UTRN: variants seen among roughly 807,000 people sequenced by gnomAD.
UTRN encodes the protein dystrophin-related protein 1.
Under a neutral mutation model 463.9 loss-of-function variants are expected in UTRN, and 283 were observed. The observed-to-expected ratio is 0.61, with a 90% CI of 0.55 to 0.67. UTRN has a LOEUF of 0.67. Ranked by LOEUF, UTRN falls within the 30% of genes least tolerant of loss-of-function variation. The pLI, the probability that UTRN is intolerant of heterozygous loss-of-function variation, is 0.00. For synonymous variants in UTRN, 1,442 were observed against 1,431.5 expected, an observed-to-expected ratio of 1.01 and a Z score of -0.17; for missense variants, 3,922 against 4,084.3, an observed-to-expected ratio of 0.96 and a Z score of 1.08.
intron 54 of UTRN, among the ~76,000 whole-genome samples, chr6:144,736,281 T>C (rs1789385905): frequency 6.6e-6 from 1 of 152,222 alleles, no homozygotes; most frequent in African/African-American, 2.4e-5. Context: ...TTGGAGAGGT[T>C]AGATCAGGAA....
At chr6:144,340,150 T>C (rs1170723665) in intron 2 of UTRN, among the ~76,000 whole-genome samples, 2 of 152,010 alleles carry the variant, frequency 1.3e-5, no homozygotes, top group Admixed American at 6.6e-5. Flanking sequence ...CTGGGCGACA[T>C]AACAAGACTG....
chr6:144,672,226 G>A (rs1374069173), intron 51 of UTRN, among the ~76,000 whole-genome samples: 1 of 151,878 alleles, frequency 6.6e-6, no homozygotes, highest in Non-Finnish European at 1.5e-5. Context: ...AGTGTCAATA[G>A]GATTGGTACC....
At chr6:144,306,285 G>A (rs1805729860) in intron 2 of UTRN, among the ~76,000 whole-genome samples, 1 of 152,164 alleles carries the variant, frequency 6.6e-6, no homozygotes, top group Admixed American at 6.5e-5. Flanking sequence ...AGCATGGATG[G>A]TGTGGGGTGT....
intron 53 of UTRN, among the ~76,000 whole-genome samples, chr6:144,725,502 C>T (rs1388307093): frequency 6.6e-6 from 1 of 152,156 alleles, no homozygotes; most frequent in Non-Finnish European, 1.5e-5. Flanking sequence ...AATATAAACT[C>T]ATTAAAACAG....
chr6:144,597,892 C>G lies in UTRN; in HGVS notation c.7479+20604C>G, dbSNP rs1803822837. Among the ~76,000 whole-genome samples the G allele has an allele frequency of 2.0e-5, 3 of 152,144 alleles. No homozygotes were observed. In the South Asian group the frequency reaches 6.2e-4, roughly 32 times the overall value. On this transcript the variant is annotated intron_variant, in intron 51 of 74. Transcript: ENST00000367545. ...AGCACACATACTGTTGTTTTTAAATCATTACATTTTAAACTTCTTTATATC... is the reference window on the plus strand; with the variant it reads ...AGCACACATACTGTTGTTTTTAAATGATTACATTTTAAACTTCTTTATATC...
At chr6:144,674,876 A>G (rs1171909339) in intron 51 of UTRN, among the ~76,000 whole-genome samples, 1 of 152,176 alleles carries the variant, frequency 6.6e-6, no homozygotes, top group Non-Finnish European at 1.5e-5. Context: ...AAATTTCTTT[A>G]AGGTAGTTTT....
chr6:144,472,581 T>G (rs994791804), intron 23 of UTRN, among the ~76,000 whole-genome samples: 8 of 152,178 alleles, frequency 5.3e-5, no homozygotes, highest in African/African-American at 1.7e-4. Context: ...TGATGTAGTT[T>G]CCAGAGCGTG....
intron 58 of UTRN, among the ~76,000 whole-genome samples, chr6:144,770,776 TATAGAAAATAATA>T: frequency 6.6e-6 from 1 of 152,114 alleles, no homozygotes; most frequent in Middle Eastern, 3.2e-3. Context: ...ATTTAATACA[TATAGAAAATAATA>T]ATACTGGTTA....
chr6:144,490,590 T>G (rs373860173), intron 31 of UTRN, among the ~76,000 whole-genome samples: 18 of 152,220 alleles, frequency 1.2e-4, no homozygotes, highest in Admixed American at 2.0e-4. Context: ...TCTGAACTTG[T>G]GATGAAGGGC....
At position 144,835,904 on chromosome 6, in the gene UTRN, G is replaced by C. The variant is rs768832466; in HGVS notation, c.9790G>C (p.Glu3264Gln). ...SVEREERGEL[E>Q]RIIADLEEEQ... The stretch of plus-strand genomic sequence containing the variant: ...AGAGAGGGAAGAACGTGGAGAACTG[G>C]AGAGGATCATTGCTGACCTGGAGGA... Residue 3264 changes from glutamate (E) to glutamine (Q), a missense_variant, in exon 70 of 75, where the codon GAG becomes CAG. Physicochemically the swap from Glu to Gln is conservative, Grantham distance 29. Around this residue, in one of 3 missense-constraint regions of UTRN, gnomAD observed 1,309 missense variants for 1,452.6 expected, o/e 0.90. Coordinates refer to ENST00000367545, the MANE Select transcript of UTRN (RefSeq NM_007124.3). 2.5e-6 allele frequency: 4 copies of C among 1,614,006 alleles called. No individual in the cohort carries two copies. The Admixed American group carries it at 5.0e-5, about 20-fold the overall frequency.
chr6:144,451,220 T>C (rs1788268365), intron 17 of UTRN, 150 bp from the exon 18 acceptor site: 1 of 689,586 alleles, frequency 1.5e-6, no homozygotes, highest in East Asian at 2.7e-5. Flanking sequence ...TATGATCTCA[T>C]TTTGCATGGT....
Position 144,510,943 on chromosome 6 carries a change from G to T in UTRN, c.4765-1G>T, listed in dbSNP as rs374250473. 1.2e-5 allele frequency: 19 copies of T among 1,557,928 alleles called. No individual in the cohort carries two copies. Among genetic ancestry groups the T allele is most frequent in the Non-Finnish European group, 1.6e-5 (18 of 1,147,096 alleles). On this transcript the variant is annotated splice_acceptor_variant, in intron 34 of 74. Transcript: ENST00000367545. LOFTEE classifies it high-confidence loss of function. The stretch of plus-strand genomic sequence containing the variant: ...TAGGTCTTGGTGTTTTTATTTTCTA[G>T]AATGTTCTGAAGGATCTGGAAAAGA...
chr6:144,433,341 G>C (rs1232639426), intron 9 of UTRN, among the ~76,000 whole-genome samples: 1 of 150,278 alleles, frequency 6.7e-6, no homozygotes, highest in South Asian at 2.1e-4. Flanking sequence ...CCTCCCGGAC[G>C]GGGCGGCTGG....
At chr6:144,756,697 A>C (rs1329350196) in intron 57 of UTRN, among the ~76,000 whole-genome samples, 1 of 152,118 alleles carries the variant, frequency 6.6e-6, no homozygotes, top group African/African-American at 2.4e-5. Context: ...CTACTTCCTC[A>C]TTTTCATCCC....
intron 19 of UTRN, among the ~76,000 whole-genome samples, chr6:144,458,045 TAGGAAC>T (rs1329622677): frequency 6.6e-6 from 1 of 152,240 alleles, no homozygotes; most frequent in Non-Finnish European, 1.5e-5. Context: ...TTATTATTTT[TAGGAAC>T]ATTCTCTACT....
intron 2 of UTRN, among the ~76,000 whole-genome samples, chr6:144,296,287 CTA>C (rs910323909): frequency 5.9e-5 from 9 of 152,214 alleles, no homozygotes; most frequent in African/African-American, 1.9e-4. Flanking sequence ...GAGTGAGACT[CTA>C]TGGTGAACCG....
intron 58 of UTRN, among the ~76,000 whole-genome samples, chr6:144,759,076 T>C: frequency 6.6e-6 from 1 of 152,100 alleles, no homozygotes; most frequent in East Asian, 1.9e-4. Context: ...AGATGTAAGC[T>C]CAGGGTAAAA....
intron 64 of UTRN, among the ~76,000 whole-genome samples, chr6:144,800,379 C>A (rs572656912): frequency 6.6e-6 from 1 of 151,962 alleles, no homozygotes; most frequent in African/African-American, 2.4e-5. Flanking sequence ...GGGTGAACAA[C>A]CTGAAGTGTT....
At chr6:144,370,341 G>T (rs564087252) in intron 2 of UTRN, among the ~76,000 whole-genome samples, 1 of 152,210 alleles carries the variant, frequency 6.6e-6, no homozygotes, top group South Asian at 2.1e-4. Context: ...AGGGGCCAAC[G>T]TATAGCTCAG....
Sources: allele counts gnomAD v4.1 joint callset (sites outside exome capture counted in the v4.1 genomes callset), GRCh38; gene constraint gnomAD v4.1.1; regional missense constraint gnomAD v4.1.1; transcripts MANE v1.5; gene names NCBI Gene and HGNC (gene_info 2026-07-23, HGNC 2026-07-21).